The following FHDC1 variants were observed in gnomAD, a reference collection of about 807,000 sequenced individuals.
FHDC1 encodes the protein FH2 domain containing 1, also known as FH2 domain-containing protein 1.
In FHDC1, 25 loss-of-function variants were observed where a neutral mutation model predicts 52.6. That is an observed-to-expected ratio of 0.48 (90% CI 0.35 to 0.66). The LOEUF is 0.66. Among genes scored for constraint, FHDC1 ranks in the 30% least tolerant of loss-of-function variants. FHDC1 has a pLI of 0.01. For synonymous variants in FHDC1, 616 were observed against 581.5 expected, an observed-to-expected ratio of 1.06 and a Z score of -0.85; for missense variants, 1,459 against 1,452.8, an observed-to-expected ratio of 1.00 and a Z score of -0.07.
chr4:152,952,961 A>T (rs1739972362), intron 2 of FHDC1, among the ~76,000 whole-genome samples: 1 of 152,088 alleles, frequency 6.6e-6, no homozygotes, highest in South Asian at 2.1e-4. Context: ...GTGAAACTCC[A>T]TCTCTACAAA....
At chr4:152,968,944 C>T (rs1740550264) in intron 10 of FHDC1, among the ~76,000 whole-genome samples, 1 of 152,086 alleles carries the variant, frequency 6.6e-6, no homozygotes, top group Non-Finnish European at 1.5e-5. Flanking sequence ...CCCGTCAACA[C>T]CAGGAGTACG....
In FHDC1 at chr4:152,975,189, C is replaced by T. The variant is rs368778973; in HGVS notation, c.1898C>T (p.Ala633Val). 16 of 1,613,262 alleles carry T rather than the reference C, an allele frequency of 9.9e-6. No homozygotes were observed. The highest frequency in any genetic ancestry group is 1.3e-5 in the Non-Finnish European group (15 of 1,180,006). ...GCCCAGCCTGAGAACCATGCCTCTG[C>T]CTTCCCCAGAGCTCGGCGCCAGGGC... ...AAAQPENHASAFPRARRQGVS... is the reference protein window; with the variant it reads ...AAAQPENHASVFPRARRQGVS... Residue 633 changes from alanine (A) to valine (V), a missense_variant, in exon 12 of 12, where the codon GCC (alanine) becomes GTC (valine). Physicochemically the swap from Ala to Val is moderately conservative, Grantham distance 64. Coordinates refer to ENST00000511601, the MANE Select transcript of FHDC1 (RefSeq NM_001371116.1).
intron 1 of FHDC1, 137 bp from the exon 2 acceptor site, chr4:152,942,791 T>C (rs1305832300): frequency 1.2e-5 from 5 of 408,404 alleles, no homozygotes; most frequent in Non-Finnish European, 2.2e-5. Flanking sequence ...GTCCTTGTAA[T>C]GCAACTTGGG....
intron 11 of FHDC1, among the ~76,000 whole-genome samples, chr4:152,974,147 C>T (rs1038762044): frequency 1.3e-5 from 2 of 152,240 alleles, no homozygotes; most frequent in Non-Finnish European, 2.9e-5. Flanking sequence ...ATGTGCTACA[C>T]ATGAATGTGT....
upstream of FHDC1, among the ~76,000 whole-genome samples, chr4:152,934,836 G>C (rs953744822): frequency 2.0e-5 from 3 of 152,264 alleles, no homozygotes; most frequent in South Asian, 2.1e-4. Context: ...AATACAGTTG[G>C]GGGGAGGCCC....
At chr4:152,963,953 C>T (rs1426976899) in intron 8 of FHDC1, among the ~76,000 whole-genome samples, 1 of 151,926 alleles carries the variant, frequency 6.6e-6, no homozygotes, top group African/African-American at 2.4e-5. Flanking sequence ...GTGCTGTAGT[C>T]GTAGCTTTAA....
upstream of FHDC1, among the ~76,000 whole-genome samples, chr4:152,933,836 T>G (rs77811204): frequency 1.1e-3 from 173 of 150,940 alleles, no homozygotes; most frequent in African/African-American, 4.0e-3. Context: ...GAGATAAACG[T>G]AGGATGCTGC....
chr4:152,939,214 G>A (rs1445294032), intron 1 of FHDC1, among the ~76,000 whole-genome samples: 4 of 152,214 alleles, frequency 2.6e-5, no homozygotes, highest in African/African-American at 9.6e-5. Flanking sequence ...CAAGTAGCTG[G>A]GACTACAGGC....
Position 152,968,246 on chromosome 4 carries a change from A to G in FHDC1, c.1218+149A>G, listed in dbSNP as rs554994407. On this transcript the variant is annotated intron_variant, in intron 10 of 11. Transcript: ENST00000511601. ...TTAGTCAGAGGAACTTGGTATTTCC[A>G]TGCCCATTCTTTGCAGAGGATGTTA... 24 of 594,932 alleles carry G rather than the reference A, an allele frequency of 4.0e-5. No homozygotes were observed. The African/African-American group carries it at 4.5e-4, about 11-fold the overall frequency. 36.9% of individuals were successfully genotyped at this position (594,932 alleles called of 1,614,324 possible). A position where few individuals can be genotyped will look rare whatever the true frequency, so the allele number is the denominator to read the frequency against.
the FHDC1 span, among the ~76,000 whole-genome samples, chr4:152,924,727 G>A: frequency 9.2e-5 from 14 of 151,944 alleles, no homozygotes; most frequent in African/African-American, 1.9e-4. Flanking sequence ...GGATGAAATT[G>A]GAAATCATCA....
chr4:152,969,837 T>C (rs1740583566), intron 10 of FHDC1, among the ~76,000 whole-genome samples: 2 of 152,022 alleles, frequency 1.3e-5, no homozygotes, highest in African/African-American at 2.4e-5. Context: ...ACCAGGCTAA[T>C]TTTTTGTATT....
chr4:152,947,810 AAG>A (rs3076048), intron 2 of FHDC1, among the ~76,000 whole-genome samples: 275 of 149,844 alleles, frequency 1.8e-3, no homozygotes, highest in Admixed American at 2.4e-3. Flanking sequence ...AAGACCACAG[AAG>A]AGAGAGAGAG....
rs1427269836 is a variant in FHDC1, at chr4:152,977,929, T to C, written c.*1206T>C. Reference sequence around the variant, plus strand: ...GCTTGCCCACTTCTCCGTGCATGACTCTGGGTGTGAGTCTGTCTAGGAACA... The same window carrying C: ...GCTTGCCCACTTCTCCGTGCATGACCCTGGGTGTGAGTCTGTCTAGGAACA... On this transcript the variant is annotated 3_prime_UTR_variant, in exon 12 of 12. Coordinates refer to ENST00000511601, the MANE Select transcript of FHDC1 (RefSeq NM_001371116.1). 1 of 152,252 alleles carries C rather than the reference T, an allele frequency of 6.6e-6. No homozygotes were observed. The highest frequency in any genetic ancestry group is 1.5e-5 in the Non-Finnish European group (1 of 68,084). 9.4% of individuals were successfully genotyped at this position (152,252 alleles called of 1,614,324 possible).
At chr4:152,951,078 C>T (rs1463872556) in intron 2 of FHDC1, among the ~76,000 whole-genome samples, 2 of 152,084 alleles carry the variant, frequency 1.3e-5, no homozygotes, top group Non-Finnish European at 2.9e-5. Context: ...GCTTGGTTCA[C>T]GTGGGGTGTG....
chr4:152,911,601 C>A, the FHDC1 span: 1 of 152,594 alleles, frequency 6.6e-6, no homozygotes, highest in Admixed American at 6.5e-5. Flanking sequence ...CTGTTCATTT[C>A]TTCTGTGTTG....
chr4:152,975,914 T>C lies in FHDC1; in HGVS notation c.2623T>C (p.Ser875Pro). Reference protein sequence around the residue: ...GSLKEASPGASKPGSARRSQG... With the variant: ...GSLKEASPGAPKPGSARRSQG... ...CCTGAAAGAGGCGTCTCCCGGGGCC[T>C]CCAAGCCCGGGAGCGCCCGGCGGAG... is the stretch of plus-strand genomic sequence containing the variant. The change falls in exon 12 of 12, where the codon TCC becomes CCC. Residue 875 changes from serine to proline, a missense_variant. This residue lies in a region of FHDC1 where 939 missense variants were observed against 854.5 expected (regional missense o/e 1.10). Transcript: ENST00000511601. The C allele has an allele frequency of 1.3e-6, 2 of 1,513,136 alleles. No individual in the cohort carries two copies. Among genetic ancestry groups the C allele is most frequent in the Non-Finnish European group, 1.8e-6 (2 of 1,133,142 alleles). 93.7% of individuals were successfully genotyped at this position (1,513,136 alleles called of 1,614,324 possible).
intron 4 of FHDC1, among the ~76,000 whole-genome samples, chr4:152,960,350 G>A (rs1164666180): frequency 6.6e-6 from 1 of 151,980 alleles, no homozygotes; most frequent in Non-Finnish European, 1.5e-5. Flanking sequence ...CATAAGTGAC[G>A]CTAGCTCTTT....
chr4:152,934,739 C>G (rs1561198521), upstream of FHDC1, among the ~76,000 whole-genome samples: 1 of 152,150 alleles, frequency 6.6e-6, no homozygotes, highest in Non-Finnish European at 1.5e-5. Context: ...GGGTAGGATG[C>G]TGCCAAGGAG....
In FHDC1 at chr4:152,960,765, C is replaced by T. The variant is rs372587056; in HGVS notation, c.771C>T (p.Ala257=). The change falls in exon 6 of 12, where the codon GCC becomes GCT. Residue 257 remains alanine (A), a synonymous_variant. Transcript: ENST00000511601. ...TCAGCTATTCACTTCGGATTGAAGC[C>T]ATGGTGCTAAAGAAGGAATTTCTAC... ...QVPNYSLRIE[A]MVLKKEFLPS... is the part of the protein sequence containing the mutation. 5.0e-6 allele frequency: 8 copies of T among 1,613,202 alleles called. No individual in the cohort carries two copies. In the African/African-American group the frequency reaches 1.1e-4, roughly 22 times the overall value.
Sources: gnomAD v4.1 joint callset for allele counts (sites outside exome capture counted in the v4.1 genomes callset) on GRCh38, gnomAD v4.1.1 for gene constraint, gnomAD v4.1.1 regional missense constraint, MANE v1.5 for transcripts, NCBI Gene and HGNC (gene_info 2026-07-23, HGNC 2026-07-21) for gene names.